Variants in RBFOX1 observed in about 807,000 individuals in gnomAD.
RBFOX1 encodes RNA binding fox-1 homolog 1.
RBFOX1 carries 8 observed loss-of-function variants against 57.7 expected under a neutral mutation model. The ratio of observed to expected loss-of-function variants is 0.14; its 90% confidence interval spans 0.08 to 0.25. The LOEUF is 0.25. Ranked by LOEUF, RBFOX1 falls within the 10% of genes least tolerant of loss-of-function variation. RBFOX1 has a pLI of 1.00. For synonymous variants in RBFOX1, 326 were observed against 222.4 expected (o/e 1.47, Z -4.15); for missense variants, 611 against 548.5 (o/e 1.11, Z -1.14).
At chr16:6,264,843 T>C (rs1048566034) in intron 1 of RBFOX1, among the ~76,000 whole-genome samples, 1 of 152,238 alleles carries the variant, frequency 6.6e-6, no homozygotes, top group Admixed American at 6.5e-5. Flanking sequence ...TCAGGAAATT[T>C]CTTTTCCTTG....
At chr16:5,994,346 G>C (rs1246787181) in intron 4 of RBFOX1, among the ~76,000 whole-genome samples, 1 of 152,202 alleles carries the variant, frequency 6.6e-6, no homozygotes, top group Non-Finnish European at 1.5e-5. Flanking sequence ...ATTTTTAGTA[G>C]AGACTGGGTT....
chr16:6,028,806 G>C (rs2095244574), intron 1 of RBFOX1, among the ~76,000 whole-genome samples: 1 of 152,204 alleles, frequency 6.6e-6, no homozygotes, highest in Non-Finnish European at 1.5e-5. Flanking sequence ...AAGGTGATAA[G>C]GCACTGAATG....
chr16:7,583,169 A>G (rs984380120), intron 6 of RBFOX1, among the ~76,000 whole-genome samples: 3 of 110,920 alleles, frequency 2.7e-5, no homozygotes, highest in Non-Finnish European at 3.7e-5. Flanking sequence ...TTTTTTTCTC[A>G]TTTGAGATGG....
intron 2 of RBFOX1, among the ~76,000 whole-genome samples, chr16:5,565,140 A>C (rs1395930071): frequency 6.6e-6 from 1 of 152,190 alleles, no homozygotes; most frequent in African/African-American, 2.4e-5. Flanking sequence ...TGGGATACTA[A>C]GTGGCAGACA....
intron 3 of RBFOX1, among the ~76,000 whole-genome samples, chr16:6,849,223 A>G (rs2093934024): frequency 6.6e-6 from 1 of 152,216 alleles, no homozygotes; most frequent in Admixed American, 6.5e-5. Context: ...GTGTGTTGAC[A>G]GTAGTGAGCT....
At chr16:6,289,107 C>G (rs1185849475) in intron 1 of RBFOX1, among the ~76,000 whole-genome samples, 3 of 152,062 alleles carry the variant, frequency 2.0e-5, no homozygotes, top group African/African-American at 7.2e-5. Flanking sequence ...GGGGTTATTT[C>G]TGGAATAAAA....
intron 4 of RBFOX1, among the ~76,000 whole-genome samples, chr16:5,899,180 A>C (rs12921727): frequency 0.35 from 52,719 of 149,120 alleles, 10,146 homozygotes; most frequent in South Asian, 0.52. Flanking sequence ...GCTACTGACT[A>C]TCCACTGTAG....
At chr16:5,344,061 A>G (rs1000455154) in intron 1 of RBFOX1, among the ~76,000 whole-genome samples, 1 of 152,200 alleles carries the variant, frequency 6.6e-6, no homozygotes, top group Non-Finnish European at 1.5e-5. Context: ...AAATGTTTAT[A>G]TCAGAATCCT....
At chr16:7,488,204 T>C (rs1266151004) in intron 4 of RBFOX1, among the ~76,000 whole-genome samples, 1 of 152,186 alleles carries the variant, frequency 6.6e-6, no homozygotes, top group Non-Finnish European at 1.5e-5. Flanking sequence ...TGCTCATCCC[T>C]GCAGGAGGGG....
intron 4 of RBFOX1, among the ~76,000 whole-genome samples, chr16:7,460,902 A>G (rs2059462390): frequency 6.6e-6 from 1 of 152,122 alleles, no homozygotes; most frequent in Admixed American, 6.5e-5. Flanking sequence ...TTCCCTAGTG[A>G]TATGAAAATG....
At chr16:7,622,556 T>G (rs2142089271) in intron 10 of RBFOX1, among the ~76,000 whole-genome samples, 2 of 152,272 alleles carry the variant, frequency 1.3e-5, no homozygotes, top group Admixed American at 1.3e-4. Flanking sequence ...TTCTTGTGAC[T>G]TTTCCAAAAA....
At chr16:7,611,575 G>A (rs2057472956) in intron 10 of RBFOX1, among the ~76,000 whole-genome samples, 1 of 140,628 alleles carries the variant, frequency 7.1e-6, no homozygotes, top group African/African-American at 2.6e-5. Flanking sequence ...GCAAAACTCT[G>A]TCTCAAAAAA....
intron 3 of RBFOX1, among the ~76,000 whole-genome samples, chr16:5,607,860 A>T (rs2047642018): frequency 6.6e-6 from 1 of 152,132 alleles, no homozygotes; most frequent in African/African-American, 2.4e-5. Flanking sequence ...TGTATGTACC[A>T]CTAGCTACTC....
intron 4 of RBFOX1, among the ~76,000 whole-genome samples, chr16:7,378,323 T>G (rs1465214852): frequency 6.6e-6 from 1 of 152,178 alleles, no homozygotes; most frequent in African/African-American, 2.4e-5. Context: ...CTTCTATCTT[T>G]CAGGGTCTAC....
At chr16:6,498,251 CA>C (rs33939872) in intron 2 of RBFOX1, among the ~76,000 whole-genome samples, 19 of 84,434 alleles carry the variant, frequency 2.3e-4, no homozygotes, top group African/African-American at 1.1e-3. Context: ...AACTCCGTCT[CA>C]AAACAAAAAA....
At chr16:6,825,355 C>A (rs887717699) in intron 3 of RBFOX1, among the ~76,000 whole-genome samples, 3 of 151,444 alleles carry the variant, frequency 2.0e-5, no homozygotes, top group African/African-American at 4.9e-5. Flanking sequence ...AATCAGTCTT[C>A]TAGATATTTT....
At chr16:6,703,298 G>A (rs1274615004) in intron 3 of RBFOX1, among the ~76,000 whole-genome samples, 2 of 147,344 alleles carry the variant, frequency 1.4e-5, no homozygotes, top group Non-Finnish European at 3.1e-5. Context: ...AAAGTGGCTG[G>A]GAGTGGTAGC....
At chr16:6,140,913 G>C (rs994569466) in intron 1 of RBFOX1, among the ~76,000 whole-genome samples, 9 of 152,176 alleles carry the variant, frequency 5.9e-5, no homozygotes, top group Non-Finnish European at 1.5e-5. Context: ...TCTCACAGGT[G>C]ACCAAGGGAC....
At chr16:6,737,803 A>C (rs748980359) in intron 3 of RBFOX1, among the ~76,000 whole-genome samples, 3 of 152,204 alleles carry the variant, frequency 2.0e-5, no homozygotes. Flanking sequence ...AAGATTGTTT[A>C]TATTTCATTT....
Sources: gnomAD v4.1 joint callset for allele counts (sites outside exome capture counted in the v4.1 genomes callset) on GRCh38, gnomAD v4.1.1 for gene constraint, MANE v1.5 for transcripts, NCBI Gene and HGNC (gene_info 2026-07-23, HGNC 2026-07-21) for gene names.